RFC3: variants seen among roughly 807,000 people sequenced by gnomAD.
The protein encoded by RFC3 is replication factor C subunit 3, also known as A1 38 kDa subunit.
RFC3 carries 41 observed loss-of-function variants against 45.1 expected under a neutral mutation model. That is an observed-to-expected ratio of 0.91 (90% CI 0.71 to 1.18). The LOEUF (loss-of-function observed/expected upper bound fraction) is 1.18, where lower values mean the gene tolerates loss of function less well. Among genes scored for constraint, RFC3 ranks in the 50% most tolerant of loss-of-function variants. RFC3 has a pLI of 0.00. For synonymous variants in RFC3, 149 were observed against 144.0 expected (o/e 1.03, Z -0.25); for missense variants, 423 against 428.1 (o/e 0.99, Z 0.10).
chr13:33,874,410 C>T (rs1255815588), intron 8 of RFC3, among the ~76,000 whole-genome samples: 1 of 152,166 alleles, frequency 6.6e-6, no homozygotes, highest in Non-Finnish European at 1.5e-5. Context: ...CTCCGCCTTC[C>T]AGGTTCCAGC....
At chr13:33,847,205 A>G (rs1156373551) in intron 8 of RFC3, 1 of 152,390 alleles carries the variant, frequency 6.6e-6, no homozygotes, top group Non-Finnish European at 1.5e-5. Context: ...CCTGGCCTAC[A>G]CAGATTCTCT....
chr13:33,962,760 T>TAC (rs1325333492), intron 8 of RFC3, among the ~76,000 whole-genome samples: 4 of 152,274 alleles, frequency 2.6e-5, no homozygotes, highest in African/African-American at 4.8e-5. Context: ...TGTATGTATG[T>TAC]ATAGATACAT....
chr13:33,819,239 C>T (rs1219714138), intron 1 of RFC3, among the ~76,000 whole-genome samples: 1 of 152,126 alleles, frequency 6.6e-6, no homozygotes, highest in African/African-American at 2.4e-5. Context: ...CCTGATGCCT[C>T]TTTGTCTGTT....
chr13:33,877,756 T>C (rs1472898543), intron 8 of RFC3, among the ~76,000 whole-genome samples: 1 of 148,350 alleles, frequency 6.7e-6, no homozygotes, highest in Non-Finnish European at 1.5e-5. Context: ...TTTTTTAAAT[T>C]CCGAGATTAA....
intron 1 of RFC3, among the ~76,000 whole-genome samples, chr13:33,819,170 G>A (rs2081978520): frequency 6.6e-6 from 1 of 152,188 alleles, no homozygotes; most frequent in South Asian, 2.1e-4. Flanking sequence ...GGGATTACAG[G>A]CGTGGGCCAC....
At chr13:33,894,167 A>C (rs1307887781) in intron 8 of RFC3, among the ~76,000 whole-genome samples, 1 of 152,096 alleles carries the variant, frequency 6.6e-6, no homozygotes, top group African/African-American at 2.4e-5. Flanking sequence ...CAGGTGAAAA[A>C]CTGTAAGTCC....
At chr13:33,867,703 G>A (rs988386410) in intron 8 of RFC3, among the ~76,000 whole-genome samples, 1 of 152,160 alleles carries the variant, frequency 6.6e-6, no homozygotes, top group Non-Finnish European at 1.5e-5. Flanking sequence ...GGGAAGGAAG[G>A]TTTGTGTCAC....
At chr13:33,933,099 C>T (rs2082862812) in intron 8 of RFC3, among the ~76,000 whole-genome samples, 1 of 152,136 alleles carries the variant, frequency 6.6e-6, no homozygotes, top group African/African-American at 2.4e-5. Flanking sequence ...ATCATAAGAG[C>T]TTTGAGACAG....
chr13:33,924,197 G>A (rs1268037563), intron 8 of RFC3, among the ~76,000 whole-genome samples: 1 of 151,048 alleles, frequency 6.6e-6, no homozygotes, highest in Non-Finnish European at 1.5e-5. Flanking sequence ...AAGTGTAGAT[G>A]TATTAGGTGG....
chr13:33,954,057 G>A (rs556465843), intron 8 of RFC3, among the ~76,000 whole-genome samples: 14 of 152,280 alleles, frequency 9.2e-5, no homozygotes, highest in African/African-American at 3.1e-4. Flanking sequence ...TAAGAAAATA[G>A]TTTAAAATTT....
At chr13:33,916,008 A>G (rs1245960091) in intron 8 of RFC3, among the ~76,000 whole-genome samples, 1 of 152,146 alleles carries the variant, frequency 6.6e-6, no homozygotes, top group African/African-American at 2.4e-5. Flanking sequence ...CATGTTGGCC[A>G]GGCTGATCTC....
intron 8 of RFC3, among the ~76,000 whole-genome samples, chr13:33,909,948 G>C (rs563844850): frequency 6.6e-6 from 1 of 152,012 alleles, no homozygotes; most frequent in Non-Finnish European, 1.5e-5. Flanking sequence ...ATCATAAAAA[G>C]GTAGTAACCT....
intron 8 of RFC3, among the ~76,000 whole-genome samples, chr13:33,868,646 G>A (rs1005260853): frequency 6.6e-6 from 1 of 152,196 alleles, no homozygotes; most frequent in African/African-American, 2.4e-5. Context: ...AACCTCTAAA[G>A]GATATTTAAA....
chr13:33,897,011 C>T (rs2082604294), intron 8 of RFC3, among the ~76,000 whole-genome samples: 5 of 151,490 alleles, frequency 3.3e-5, no homozygotes, highest in Admixed American at 3.3e-4. Flanking sequence ...TGAAAGAAAA[C>T]AAAAAAATTA....
intron 8 of RFC3, among the ~76,000 whole-genome samples, chr13:33,961,681 A>G (rs911554229): frequency 6.6e-6 from 1 of 152,188 alleles, no homozygotes; most frequent in Non-Finnish European, 1.5e-5. Context: ...TTATGAGACA[A>G]TTAAGGGGAC....
At chr13:33,946,016 G>A (rs1484166173) in intron 8 of RFC3, among the ~76,000 whole-genome samples, 1 of 152,078 alleles carries the variant, frequency 6.6e-6, no homozygotes, top group African/African-American at 2.4e-5. Context: ...TATCTCATCT[G>A]GAGCGCTGCT....
At chr13:33,898,284 A>G (rs2082614629) in intron 8 of RFC3, among the ~76,000 whole-genome samples, 1 of 151,984 alleles carries the variant, frequency 6.6e-6, no homozygotes, top group Non-Finnish European at 1.5e-5. Flanking sequence ...AACAAATCCA[A>G]AAAAGTAGAA....
chr13:33,919,698 AT>A (rs1436766319), intron 8 of RFC3, among the ~76,000 whole-genome samples: 4 of 152,056 alleles, frequency 2.6e-5, no homozygotes, highest in Non-Finnish European at 5.9e-5. Context: ...TTCAAATGTC[AT>A]TTTGCTGTAA....
At chr13:33,960,800 T>A (rs1296484816) in intron 8 of RFC3, among the ~76,000 whole-genome samples, 1 of 152,204 alleles carries the variant, frequency 6.6e-6, no homozygotes, top group African/African-American at 2.4e-5. Flanking sequence ...GAGACCCAGG[T>A]GACCCTGAAC....
Sources: gnomAD v4.1 joint callset for allele counts (sites outside exome capture counted in the v4.1 genomes callset) on GRCh38, gnomAD v4.1.1 for gene constraint, MANE v1.5 for transcripts, NCBI Gene and HGNC (gene_info 2026-07-23, HGNC 2026-07-21) for gene names.